The following BROX variants were observed in gnomAD, a reference collection of about 807,000 sequenced individuals.
The protein encoded by BROX is BRO1 domain and CAAX motif containing.
A neutral mutation model predicts 61.0 loss-of-function variants in BROX; 53 were observed. The observed-to-expected ratio is 0.87, with a 90% CI of 0.70 to 1.09. The LOEUF is 1.09. BROX is among the 50% of genes least tolerant of loss of function. The pLI is 0.00. For synonymous variants in BROX, 152 were observed against 160.2 expected, an observed-to-expected ratio of 0.95 and a Z score of 0.38; for missense variants, 489 against 472.0, an observed-to-expected ratio of 1.04 and a Z score of -0.33.
At chr1:222,717,233 T>A (rs1488093211) in intron 2 of BROX, among the ~76,000 whole-genome samples, 4 of 152,182 alleles carry the variant, frequency 2.6e-5, no homozygotes, top group Non-Finnish European at 5.9e-5. Context: ...TGAATGAAAA[T>A]AAGCTGCGGG....
chr1:222,715,442 T>C (rs1356200420), intron 1 of BROX, among the ~76,000 whole-genome samples: 1 of 152,162 alleles, frequency 6.6e-6, no homozygotes, highest in Non-Finnish European at 1.5e-5. Context: ...GCGCGGTGGC[T>C]CACGCCTGTA....
rs1354207415 is a variant in BROX at position 222,731,624 on chromosome 1, TGTTAA to T, written c.1149+113_1149+117del. ...AAATAGATACATATCTTTGTCTAAA[TGTTAA>T]GTTAGCTAGTTATATAGTGCTTAAT... On this transcript the variant is annotated intron_variant, in intron 12 of 12. Transcript: ENST00000340934. 2.4e-6 allele frequency: 3 copies of T among 1,228,734 alleles called. No individual in the cohort carries two copies. In the African/African-American group the frequency reaches 4.7e-5, roughly 19 times the overall value. The allele number at this position is 1,228,734 out of a possible 1,614,324, so 76.1% of individuals were successfully genotyped here. A position where few individuals can be genotyped will look rare whatever the true frequency, so the allele number is the denominator to read the frequency against.
In BROX at chr1:222,715,599, T is replaced by C. The variant is rs1358227571; in HGVS notation, c.-16-85T>C. ...ATTTTCGAATTAAATTTTTATACTA[T>C]TGAAATAAATTGTTATGCTATTTAC... On this transcript the variant is annotated intron_variant, in intron 1 of 12. Transcript: ENST00000340934. 3 of 551,212 alleles carry C rather than the reference T, an allele frequency of 5.4e-6. No individual in the cohort carries two copies. The East Asian group carries it at 1.1e-4, about 20-fold the overall frequency. 34.1% of individuals were successfully genotyped at this position (551,212 alleles called of 1,614,324 possible). A position where few individuals can be genotyped will look rare whatever the true frequency, so the allele number is the denominator to read the frequency against.
chr1:222,715,716 A>T lies in BROX; in HGVS notation c.17A>T (p.His6Leu). ...CTGGAGAAAATGACCCATTGGTTTC[A>T]TAGGAACCCATTAAAAGCCACAGCT... MTHWFHRNPLKATAPV... is the reference protein window; with the variant it reads MTHWFLRNPLKATAPV... Residue 6 changes from histidine (H) to leucine (L), a missense_variant, in exon 2 of 13, where the codon CAT becomes CTT. Coordinates refer to ENST00000340934, the MANE Select transcript of BROX (RefSeq NM_144695.4). 1.9e-6 allele frequency: 3 copies of T among 1,571,350 alleles called. No homozygotes were observed. The highest frequency in any genetic ancestry group is 1.7e-4 in the Middle Eastern group (1 of 5,900).
intron 1 of BROX, among the ~76,000 whole-genome samples, chr1:222,714,869 C>T (rs1334143683): frequency 6.6e-6 from 1 of 152,176 alleles, no homozygotes. Flanking sequence ...CATGAGCCAC[C>T]ATGCCCAGCC....
intron 4 of BROX, 42 bp downstream of exon 4, chr1:222,719,401 G>C (rs1334277240): frequency 7.2e-7 from 1 of 1,380,746 alleles, no homozygotes. Context: ...GCCAGTTTTT[G>C]TAACTATGTA....
chr1:222,714,883 T>A (rs1004056736), intron 1 of BROX, among the ~76,000 whole-genome samples: 1 of 152,188 alleles, frequency 6.6e-6, no homozygotes, highest in East Asian at 1.9e-4. Flanking sequence ...CCCAGCCCAA[T>A]GTTTTCATTT....
At chr1:222,713,011 AG>A (rs1656175798) in intron 1 of BROX, 69 bp downstream of exon 1, 1 of 1,170,408 alleles carries the variant, frequency 8.5e-7, no homozygotes, top group African/African-American at 1.6e-5. Flanking sequence ...CTCAAGCAAT[AG>A]GATCACCCCC....
rs149032890 is a variant in BROX at position 222,733,801 on chromosome 1, T to C, written c.*1087T>C. 6.6e-6 allele frequency: 1 copy of C among 152,332 alleles called. No individual in the cohort carries two copies. Among genetic ancestry groups the C allele is most frequent in the Admixed American group, 6.5e-5 (1 of 15,304 alleles). 9.4% of individuals were successfully genotyped at this position (152,332 alleles called of 1,614,324 possible). On this transcript the variant is annotated 3_prime_UTR_variant, in exon 13 of 13. Transcript: ENST00000340934. Reference sequence around the variant, plus strand: ...TTTGTAATAGCTCTTAATGTTTATATATAAGAGAAGACAGAATGGAAAATG... The same window carrying C: ...TTTGTAATAGCTCTTAATGTTTATACATAAGAGAAGACAGAATGGAAAATG...
At chr1:222,719,108 T>C in intron 3 of BROX, 77 bp downstream of exon 3, 2 of 1,373,144 alleles carry the variant, frequency 1.5e-6, no homozygotes, top group Non-Finnish European at 2.0e-6. Flanking sequence ...ACTTTTCAAA[T>C]TTGATTAGTT....
chr1:222,724,403 G>T (rs889855283), intron 6 of BROX, among the ~76,000 whole-genome samples: 5 of 152,178 alleles, frequency 3.3e-5, no homozygotes, highest in African/African-American at 4.8e-5. Flanking sequence ...TTAAGTTTTA[G>T]TGCTCTGCTT....
At chr1:222,721,943 T>G (rs1657126937) in intron 4 of BROX, among the ~76,000 whole-genome samples, 1 of 152,190 alleles carries the variant, frequency 6.6e-6, no homozygotes, top group Non-Finnish European at 1.5e-5. Flanking sequence ...TAGTCATCTT[T>G]CCAGGGACAG....
chr1:222,717,076 A>G (rs1656683392), intron 2 of BROX, among the ~76,000 whole-genome samples: 1 of 152,360 alleles, frequency 6.6e-6, no homozygotes, highest in East Asian at 1.9e-4. Flanking sequence ...TGGCTTATTA[A>G]TCTAAACCAA....
intron 4 of BROX, among the ~76,000 whole-genome samples, chr1:222,719,908 A>G (rs973734332): frequency 2.6e-5 from 4 of 152,216 alleles, no homozygotes; most frequent in Non-Finnish European, 5.9e-5. Context: ...ATAACGAAAC[A>G]GATCACAATG....
At chr1:222,717,155 T>C (rs987372734) in intron 2 of BROX, among the ~76,000 whole-genome samples, 1 of 152,260 alleles carries the variant, frequency 6.6e-6, no homozygotes, top group African/African-American at 2.4e-5. Flanking sequence ...CAGTCACTGT[T>C]GCATATTATT....
At chr1:222,728,704 G>T in intron 8 of BROX, 39 bp from the exon 9 acceptor site, 2 of 1,378,722 alleles carry the variant, frequency 1.5e-6, no homozygotes, top group Non-Finnish European at 2.0e-6. Flanking sequence ...TAGTGAATCA[G>T]GGCGAAATTA....
chr1:222,716,836 G>C (rs984853732), intron 2 of BROX, among the ~76,000 whole-genome samples: 2 of 152,240 alleles, frequency 1.3e-5, no homozygotes, highest in African/African-American at 4.8e-5. Flanking sequence ...TTGTGCTAGT[G>C]ATAGTGAGTA....
In BROX at chr1:222,728,631, G is replaced by A. The variant is rs1489421794; in HGVS notation, c.671-112G>A. 11 of 593,796 alleles carry A rather than the reference G, an allele frequency of 1.9e-5. No homozygotes were observed. The East Asian group carries it at 2.8e-4, about 15-fold the overall frequency. The allele number at this position is 593,796 out of a possible 1,614,324, so 36.8% of individuals were successfully genotyped here. On this transcript the variant is annotated intron_variant, in intron 8 of 12. Coordinates refer to ENST00000340934, the MANE Select transcript of BROX (RefSeq NM_144695.4). ...TTTTAAAAAAAAATTAAATTCTTGA[G>A]TTTTAGACTTGAATGGCATTCTTTC...
At chr1:222,715,591 T>G (rs912267326) in intron 1 of BROX, 93 bp from the exon 2 acceptor site, 83 of 529,694 alleles carry the variant, frequency 1.6e-4, no homozygotes, top group African/African-American at 1.4e-3. Context: ...AATTAAATTT[T>G]TATACTATTG....
Sources: gnomAD v4.1 joint callset for allele counts (sites outside exome capture counted in the v4.1 genomes callset) on GRCh38, gnomAD v4.1.1 for gene constraint, MANE v1.5 for transcripts, NCBI Gene and HGNC (gene_info 2026-07-23, HGNC 2026-07-21) for gene names.